The following ARSB variants were observed in gnomAD, a reference collection of about 807,000 sequenced individuals.
ARSB encodes the protein N-acetylgalactosamine-4-sulfatase.
ARSB carries 41 observed loss-of-function variants against 50.9 expected under a neutral mutation model. The observed-to-expected ratio is 0.81, with a 90% CI of 0.63 to 1.04. The LOEUF (loss-of-function observed/expected upper bound fraction) is 1.04, where lower values mean the gene tolerates loss of function less well. Ranked by LOEUF, ARSB falls within the 50% of genes least tolerant of loss-of-function variation. The pLI is 0.00. For missense variants in ARSB, 672 were observed against 693.3 expected (o/e 0.97, Z 0.35); for synonymous variants, 269 against 284.8 (o/e 0.94, Z 0.56).
intron 4 of ARSB, among the ~76,000 whole-genome samples, chr5:78,942,939 A>C (rs1250502682): frequency 6.6e-6 from 1 of 152,058 alleles, no homozygotes; most frequent in Non-Finnish European, 1.5e-5. Context: ...GTCTCTAAGG[A>C]CTTGCTTTAT....
At chr5:78,942,770 G>C (rs1370145650) in intron 4 of ARSB, among the ~76,000 whole-genome samples, 2 of 152,176 alleles carry the variant, frequency 1.3e-5, no homozygotes, top group African/African-American at 4.8e-5. Context: ...ATTTGGGGTG[G>C]AGAGTTCTGT....
Position 78,839,360 on chromosome 5 carries a change from T to G in ARSB, c.1209A>C (p.Ser403=), listed in dbSNP as rs747519161. The G allele has an allele frequency of 2.5e-6, 4 of 1,613,598 alleles. No individual in the cohort carries two copies. Among genetic ancestry groups the G allele is most frequent in the Non-Finnish European group, 3.4e-6 (4 of 1,179,652 alleles). The stretch of plus-strand genomic sequence containing the variant: ...TAGCAATGCACTGGTACTCACACGG[T>G]GAAGAGTCCACGAAGTTCGGGTCAA... The part of the protein sequence containing the change: ...HNIDPNFVDS[S]PCPRNSMAPA... Residue 403 remains serine (S), a synonymous_variant, in exon 6 of 8, where the codon TCA becomes TCC. Transcript: ENST00000264914.
intron 4 of ARSB, among the ~76,000 whole-genome samples, chr5:78,940,053 T>C (rs559429304): frequency 6.6e-5 from 10 of 152,262 alleles, no homozygotes; most frequent in Non-Finnish European, 1.0e-4. Flanking sequence ...CATTTTTTCA[T>C]GTGTCTTTTG....
At chr5:78,816,043 C>T (rs769480988) in intron 6 of ARSB, 1 of 1,490,946 alleles carries the variant, frequency 6.7e-7, no homozygotes, top group South Asian at 1.2e-5. Flanking sequence ...GAAGTCATTT[C>T]TTATGCCCTG....
intron 6 of ARSB, among the ~76,000 whole-genome samples, chr5:78,812,245 G>A (rs745610696): frequency 1.3e-5 from 2 of 152,160 alleles, no homozygotes; most frequent in Non-Finnish European, 2.9e-5. Flanking sequence ...TCCTGGGAAA[G>A]GTACAGGAGA....
At chr5:78,971,660 C>A (rs1752458196) in intron 1 of ARSB, among the ~76,000 whole-genome samples, 1 of 152,176 alleles carries the variant, frequency 6.6e-6, no homozygotes, top group Non-Finnish European at 1.5e-5. Flanking sequence ...ACTTCAATAA[C>A]TTTAGTAAGT....
chr5:78,914,906 C>A (rs567408355), intron 4 of ARSB, among the ~76,000 whole-genome samples: 1 of 152,292 alleles, frequency 6.6e-6, no homozygotes, highest in South Asian at 2.1e-4. Context: ...CTCAAGTGAC[C>A]TGCCTTGGCC....
chr5:78,817,073 C>A lies in ARSB; in HGVS notation c.1213+22283G>T, dbSNP rs552083567. On this transcript the variant is annotated intron_variant, in intron 6 of 7. Coordinates refer to ENST00000264914, the MANE Select transcript of ARSB (RefSeq NM_000046.5). The stretch of plus-strand genomic sequence containing the variant: ...GATAGGAAATAAATGCAGCAGCCCT[C>A]TGGGCCCTTCTGTAGCAGTACCCTC... 5.1e-6 allele frequency: 5 copies of A among 985,316 alleles called. No homozygotes were observed. The African/African-American group carries it at 8.7e-5, about 17-fold the overall frequency. The allele number at this position is 985,316 out of a possible 1,614,324, so 61.0% of individuals were successfully genotyped here. A position where few individuals can be genotyped will look rare whatever the true frequency, so the allele number is the denominator to read the frequency against.
intron 4 of ARSB, among the ~76,000 whole-genome samples, chr5:78,954,429 T>C (rs189392391): frequency 3.2e-4 from 49 of 152,346 alleles, no homozygotes; most frequent in Non-Finnish European, 5.7e-4. Context: ...TTTTCAAAAG[T>C]AATCTCTGAG....
intron 1 of ARSB, among the ~76,000 whole-genome samples, chr5:78,979,905 T>A (rs1752827008): frequency 6.6e-6 from 1 of 152,190 alleles, no homozygotes; most frequent in Non-Finnish European, 1.5e-5. Flanking sequence ...CTAATGTCCA[T>A]GAATTGATGA....
At chr5:78,781,071 C>T (rs1296149229) in intron 7 of ARSB, among the ~76,000 whole-genome samples, 1 of 152,158 alleles carries the variant, frequency 6.6e-6, no homozygotes, top group African/African-American at 2.4e-5. Flanking sequence ...ACAGCCTTAA[C>T]CATCATCCCA....
At chr5:78,789,659 G>A (rs183297737) in intron 6 of ARSB, among the ~76,000 whole-genome samples, 1 of 152,234 alleles carries the variant, frequency 6.6e-6, no homozygotes, top group East Asian at 1.9e-4. Context: ...AATTCAAGAA[G>A]GACTCAATTT....
At chr5:78,823,776 C>T (rs981541103) in intron 6 of ARSB, among the ~76,000 whole-genome samples, 1 of 152,202 alleles carries the variant, frequency 6.6e-6, no homozygotes. Flanking sequence ...TCAGCAAATG[C>T]ATCATGTTAC....
intron 3 of ARSB, among the ~76,000 whole-genome samples, chr5:78,957,228 AT>A (rs1353645191): frequency 1.3e-5 from 2 of 152,226 alleles, no homozygotes; most frequent in African/African-American, 4.8e-5. Flanking sequence ...CTGTTAAAGT[AT>A]TTGAGGCATT....
intron 6 of ARSB, among the ~76,000 whole-genome samples, chr5:78,807,607 C>T (rs1325905151): frequency 1.3e-5 from 2 of 152,104 alleles, no homozygotes; most frequent in African/African-American, 4.8e-5. Flanking sequence ...GACTTTTAAA[C>T]ATATTTGGGG....
intron 4 of ARSB, among the ~76,000 whole-genome samples, chr5:78,898,497 G>A (rs1362440159): frequency 6.6e-6 from 1 of 152,174 alleles, no homozygotes; most frequent in Admixed American, 6.5e-5. Context: ...GAACACAGGT[G>A]TAAAAATCTT....
chr5:78,793,505 A>G (rs1376917370), intron 6 of ARSB, among the ~76,000 whole-genome samples: 2 of 152,230 alleles, frequency 1.3e-5, no homozygotes, highest in African/African-American at 2.4e-5. Context: ...GCAGTTGGTC[A>G]GTGAATTTCA....
At chr5:78,815,019 T>G (rs994487930) in intron 6 of ARSB, among the ~76,000 whole-genome samples, 12 of 150,456 alleles carry the variant, frequency 8.0e-5, no homozygotes, top group Non-Finnish European at 1.6e-4. Context: ...AACCCCAAAC[T>G]AAAACAACAA....
At chr5:78,848,583 A>G (rs2112029467) in intron 5 of ARSB, among the ~76,000 whole-genome samples, 1 of 151,626 alleles carries the variant, frequency 6.6e-6, no homozygotes. Context: ...TATACCCCGT[A>G]ATGGGATGGC....
Sources: allele counts gnomAD v4.1 joint callset (sites outside exome capture counted in the v4.1 genomes callset), GRCh38; gene constraint gnomAD v4.1.1; transcripts MANE v1.5; gene names NCBI Gene and HGNC (gene_info 2026-07-23, HGNC 2026-07-21).